Variants in LSAMP observed in about 807,000 individuals in gnomAD.
The protein encoded by LSAMP is limbic system-associated membrane protein.
A neutral mutation model predicts 38.6 loss-of-function variants in LSAMP; 7 were observed. That is an observed-to-expected ratio of 0.18 (90% CI 0.10 to 0.34). The LOEUF is 0.34. Ranked by LOEUF, LSAMP falls within the 10% of genes least tolerant of loss-of-function variation. The pLI, the probability that LSAMP is intolerant of heterozygous loss-of-function variation, is 1.00. For synonymous variants in LSAMP, 154 were observed against 166.8 expected, an observed-to-expected ratio of 0.92 and a Z score of 0.59; for missense variants, 313 against 420.0, an observed-to-expected ratio of 0.75 and a Z score of 2.23.
intron 1 of LSAMP, among the ~76,000 whole-genome samples, chr3:116,189,875 T>G (rs1253853632): frequency 2.6e-5 from 4 of 152,098 alleles, no homozygotes; most frequent in Non-Finnish European, 5.9e-5. Flanking sequence ...TTTTGTAGTT[T>G]AAAAATACTG....
rs553347193 is a variant in LSAMP at position 115,890,624 on chromosome 3, TCTC to T, written c.515-38010_515-38008del. On this transcript the variant is annotated intron_variant, in intron 3 of 6. Transcript: ENST00000490035. ...TTCTCTACATTTGCAAAACACATATTCTCCTACTCTTCGCCTGTTTCTGTTTCC... is the reference window on the plus strand; with the variant it reads ...TTCTCTACATTTGCAAAACACATATTCTACTCTTCGCCTGTTTCTGTTTCC... 8.6e-5 allele frequency among the ~76,000 whole-genome samples: 13 copies of T among 152,010 alleles called. No individual in the cohort carries two copies. In the East Asian group the frequency reaches 2.5e-3, roughly 29 times the overall value.
At chr3:116,387,408 C>T (rs2048639440) in intron 1 of LSAMP, among the ~76,000 whole-genome samples, 1 of 152,110 alleles carries the variant, frequency 6.6e-6, no homozygotes, top group African/African-American at 2.4e-5. Context: ...CTAATATATA[C>T]AGAGGTGTTC....
intron 1 of LSAMP, among the ~76,000 whole-genome samples, chr3:116,352,553 G>A (rs1378595037): frequency 6.6e-6 from 1 of 152,032 alleles, no homozygotes; most frequent in African/African-American, 2.4e-5. Context: ...AATCTCCTTT[G>A]AAGTTTTGTG....
At chr3:116,135,417 G>T (rs551399871) in intron 1 of LSAMP, among the ~76,000 whole-genome samples, 8 of 152,160 alleles carry the variant, frequency 5.3e-5, no homozygotes, top group Non-Finnish European at 8.8e-5. Flanking sequence ...GCTCAAGTAG[G>T]TCAGATGGAA....
intron 1 of LSAMP, among the ~76,000 whole-genome samples, chr3:116,090,460 C>T (rs1708095387): frequency 1.3e-5 from 2 of 152,080 alleles, no homozygotes; most frequent in Non-Finnish European, 2.9e-5. Flanking sequence ...GTGCATTAGG[C>T]AGGCTTGTGG....
intron 1 of LSAMP, chr3:116,360,069 G>A (rs187138449): frequency 0.015 from 2,386 of 154,622 alleles, 35 homozygotes; most frequent in Non-Finnish European, 0.023. Flanking sequence ...CGCAGAAGAC[G>A]GTGATTTCTG....
intron 1 of LSAMP, among the ~76,000 whole-genome samples, chr3:116,420,864 G>A (rs1311252587): frequency 1.3e-5 from 2 of 152,194 alleles, no homozygotes; most frequent in South Asian, 4.1e-4. Context: ...GTGACAGAGA[G>A]AGACTTGTGT....
chr3:116,011,254 A>G (rs1940316167), intron 3 of LSAMP, among the ~76,000 whole-genome samples: 1 of 152,156 alleles, frequency 6.6e-6, no homozygotes. Flanking sequence ...AGAATGAATG[A>G]GCACATAGTT....
chr3:115,928,472 G>A (rs779304189), intron 3 of LSAMP, among the ~76,000 whole-genome samples: 28 of 152,278 alleles, frequency 1.8e-4, no homozygotes, highest in Middle Eastern at 3.4e-3. Context: ...GGCTTACACC[G>A]TATTTCCTTT....
At chr3:116,374,708 A>G (rs1329715900) in intron 1 of LSAMP, among the ~76,000 whole-genome samples, 2 of 151,920 alleles carry the variant, frequency 1.3e-5, no homozygotes, top group East Asian at 1.9e-4. Context: ...CAAAGCCACT[A>G]TAACTGTCAC....
chr3:116,188,657 C>T (rs552948518), intron 1 of LSAMP, among the ~76,000 whole-genome samples: 1 of 152,286 alleles, frequency 6.6e-6, no homozygotes, highest in East Asian at 1.9e-4. Context: ...TGAATCACTC[C>T]TGGGAAACGG....
intron 1 of LSAMP, among the ~76,000 whole-genome samples, chr3:116,378,213 T>C (rs908365485): frequency 6.6e-6 from 1 of 152,056 alleles, no homozygotes; most frequent in African/African-American, 2.4e-5. Context: ...CCTGTGGCCA[T>C]GCTCAGTTCC....
chr3:115,981,923 C>T lies in LSAMP; in HGVS notation c.514+37592G>A, dbSNP rs1017296624. ...CTAAAGAAGCCCAATCCATGTGTGA[C>T]TAGGTGTCTAAGGGTAAAAATGACA... On this transcript the variant is annotated intron_variant, in intron 3 of 6. Transcript: ENST00000490035. 2.0e-5 allele frequency among the ~76,000 whole-genome samples: 3 copies of T among 152,162 alleles called. No homozygotes were observed. In the East Asian group the frequency reaches 5.8e-4, roughly 29 times the overall value.
chr3:116,343,176 G>A (rs1297840726), intron 1 of LSAMP, among the ~76,000 whole-genome samples: 4 of 152,124 alleles, frequency 2.6e-5, no homozygotes, highest in African/African-American at 9.7e-5. Flanking sequence ...TGAAATTTCT[G>A]CACCTACTTG....
At chr3:116,309,262 A>G (rs1411938476) in intron 1 of LSAMP, among the ~76,000 whole-genome samples, 1 of 152,088 alleles carries the variant, frequency 6.6e-6, no homozygotes, top group Non-Finnish European at 1.5e-5. Flanking sequence ...AGGTCTAAGT[A>G]TATCATTGCA....
chr3:116,213,398 T>C (rs2046185181), intron 1 of LSAMP, among the ~76,000 whole-genome samples: 1 of 152,194 alleles, frequency 6.6e-6, no homozygotes, highest in South Asian at 2.1e-4. Context: ...CTGCTATCCA[T>C]GTAAGATATG....
chr3:115,921,933 A>T lies in LSAMP; in HGVS notation c.515-69316T>A, dbSNP rs193208942. Among the ~76,000 whole-genome samples, 16 of 152,080 alleles carry T rather than the reference A, an allele frequency of 1.1e-4. 1 individual carries two copies. In the East Asian group the frequency reaches 3.1e-3, roughly 29 times the overall value. On this transcript the variant is annotated intron_variant, in intron 3 of 6. Coordinates refer to ENST00000490035, the MANE Select transcript of LSAMP (RefSeq NM_002338.5). ...GAAATCTGCTAATAATCTTATGATT[A>T]CTCCCTTGTATGTGATATATTGCAT...
chr3:116,375,398 G>A (rs535278709), intron 1 of LSAMP, among the ~76,000 whole-genome samples: 4 of 151,718 alleles, frequency 2.6e-5, no homozygotes, highest in South Asian at 4.2e-4. Context: ...AGTCATATTC[G>A]ATTAGAGAAA....
chr3:116,106,196 T>G (rs941375647), intron 1 of LSAMP, among the ~76,000 whole-genome samples: 7 of 152,204 alleles, frequency 4.6e-5, no homozygotes, highest in Admixed American at 1.3e-4. Context: ...GATTATTTAT[T>G]TACTTCAAGA....
Sources: allele counts gnomAD v4.1 joint callset (sites outside exome capture counted in the v4.1 genomes callset), GRCh38; gene constraint gnomAD v4.1.1; transcripts MANE v1.5; gene names NCBI Gene and HGNC (gene_info 2026-07-23, HGNC 2026-07-21).